The following DNAH5 variants were observed in gnomAD, a reference collection of about 807,000 sequenced individuals.
The protein encoded by DNAH5 is dynein axonemal heavy chain 5, also known as axonemal beta dynein heavy chain 5.
A neutral mutation model predicts 518.2 loss-of-function variants in DNAH5; 372 were observed. The observed-to-expected ratio is 0.72, with a 90% CI of 0.66 to 0.78. The LOEUF is 0.78. Among genes scored for constraint, DNAH5 ranks in the 30% least tolerant of loss-of-function variants. DNAH5 has a pLI of 0.00. For synonymous variants in DNAH5, 2,039 were observed against 2,025.9 expected, an observed-to-expected ratio of 1.01 and a Z score of -0.17; for missense variants, 5,523 against 5,687.0, an observed-to-expected ratio of 0.97 and a Z score of 0.93.
chr5:13,701,507 T>C (rs1408305064), intron 76 of DNAH5, 71 bp from the exon 77 acceptor site: 12 of 1,329,944 alleles, frequency 9.0e-6, no homozygotes, highest in Non-Finnish European at 1.2e-5. Flanking sequence ...CTATGTTCAC[T>C]GAAAAAAAAA....
intron 78 of DNAH5, among the ~76,000 whole-genome samples, chr5:13,697,666 T>C (rs1056659730): frequency 6.6e-6 from 1 of 152,234 alleles, no homozygotes; most frequent in Non-Finnish European, 1.5e-5. Flanking sequence ...CTCCTTCATG[T>C]GGAAACTTTG....
chr5:13,953,046 T>C (rs929045885), intron 1 of DNAH5, among the ~76,000 whole-genome samples: 4 of 152,228 alleles, frequency 2.6e-5, no homozygotes, highest in African/African-American at 4.8e-5. Flanking sequence ...AAGAGCAAAA[T>C]TGCTATTAAT....
intron 30 of DNAH5, among the ~76,000 whole-genome samples, chr5:13,856,429 A>G (rs1444398713): frequency 6.6e-6 from 1 of 152,074 alleles, no homozygotes; most frequent in Admixed American, 6.6e-5. Flanking sequence ...TAGAAATTCT[A>G]CCAGAGGTTC....
chr5:13,845,789 T>C (rs1451534494), intron 31 of DNAH5, among the ~76,000 whole-genome samples: 1 of 151,566 alleles, frequency 6.6e-6, no homozygotes, highest in Non-Finnish European at 1.5e-5. Context: ...TTTTTGCTCT[T>C]CCCTTATCAT....
Position 13,691,862 on chromosome 5 carries a change from T to C in DNAH5, c.*122A>G, listed in dbSNP as rs1740730805. 1.7e-6 allele frequency: 2 copies of C among 1,184,642 alleles called. No individual in the cohort carries two copies. Among genetic ancestry groups the C allele is most frequent in the Admixed American group, 1.9e-5 (1 of 51,938 alleles). The allele number at this position is 1,184,642 out of a possible 1,614,324, so 73.4% of individuals were successfully genotyped here. ...CCAATTAAGGAGTGGGGAAAACCTA[T>C]GCAGCTCATTAATTGCATAAACGAC... On this transcript the variant is annotated 3_prime_UTR_variant, in exon 79 of 79. Transcript: ENST00000265104.
intron 1 of DNAH5, among the ~76,000 whole-genome samples, chr5:13,991,802 G>T (rs534635310): frequency 1.3e-5 from 2 of 152,114 alleles, no homozygotes; most frequent in African/African-American, 2.4e-5. Context: ...AACGGGAAGA[G>T]AACTATTTCT....
intron 12 of DNAH5, among the ~76,000 whole-genome samples, chr5:13,906,997 CAAAG>C (rs373453015): frequency 1.8e-3 from 276 of 151,952 alleles, no homozygotes; most frequent in African/African-American, 6.4e-3. Flanking sequence ...AAATTAAAAA[CAAAG>C]AAGTAAGAGA....
In DNAH5 at chr5:13,931,243, T is replaced by G. The variant is rs1778386292; in HGVS notation, c.59A>C (p.Gln20Pro). The G allele has an allele frequency of 1.2e-6, 2 of 1,613,960 alleles. No individual in the cohort carries two copies. The highest frequency in any genetic ancestry group is 4.5e-5 in the East Asian group (2 of 44,892). ...WKHSVTRVLT[Q>P]RLKGEKEAKR... Reference sequence around the variant, plus strand: ...GGCTTCCTTCTCTCCCTTCAGTCTTTGCTAAAAGAAAAGAATAAAAATGTT... The same window carrying G: ...GGCTTCCTTCTCTCCCTTCAGTCTTGGCTAAAAGAAAAGAATAAAAATGTT... Residue 20 changes from glutamine (Q) to proline (P), a missense_variant and splice_region_variant, in exon 2 of 79, where the codon CAA becomes CCA. Gln to Pro is a moderately conservative substitution (Grantham distance 76). Transcript: ENST00000265104.
chr5:13,896,485 C>T (rs1773930650), intron 15 of DNAH5: 1 of 152,202 alleles, frequency 6.6e-6, no homozygotes, highest in East Asian at 1.9e-4. Context: ...AAACCACTCA[C>T]ACATTTTATC....
At chr5:13,991,599 G>GAGGGGGAAGAGA (rs1257566609) in intron 1 of DNAH5, among the ~76,000 whole-genome samples, 1 of 151,314 alleles carries the variant, frequency 6.6e-6, no homozygotes, top group East Asian at 2.0e-4. Flanking sequence ...GGGGGAAGAG[G>GAGGGGGAAGAGA]AGGAGGAAGG....
chr5:13,791,685 G>C (rs1757013047), intron 50 of DNAH5, among the ~76,000 whole-genome samples: 1 of 152,022 alleles, frequency 6.6e-6, no homozygotes, highest in Non-Finnish European at 1.5e-5. Flanking sequence ...TTTAGTATAA[G>C]AAACATATCT....
At chr5:13,964,912 T>G (rs963965548) in intron 1 of DNAH5, among the ~76,000 whole-genome samples, 1 of 152,244 alleles carries the variant, frequency 6.6e-6, no homozygotes, top group African/African-American at 2.4e-5. Context: ...TTTTGTCCCC[T>G]TTGTACCAGA....
In DNAH5 at chr5:13,839,362, G is replaced by T; in HGVS notation, c.5876C>A (p.Thr1959Lys). 1 of 1,613,974 alleles carries T rather than the reference G, an allele frequency of 6.2e-7. No individual in the cohort carries two copies. The highest frequency in any genetic ancestry group is 1.3e-5 in the African/African-American group (1 of 75,060). The change falls in exon 35 of 79, where the codon ACA (threonine) becomes AAA (lysine). Residue 1959 changes from threonine to lysine, a missense_variant. Transcript: ENST00000265104. The stretch of plus-strand genomic sequence containing the variant: ...GGGAGAAGGGTTCCATCACCTGTCT[G>T]TAAGTGGAGTTATTACAAGCCTGTC... Reference protein sequence around the residue: ...CTDRLVITPLTDRCYITLAQA... With the variant: ...CTDRLVITPLKDRCYITLAQA...
chr5:13,891,238 G>T (rs980348564), intron 16 of DNAH5, 117 bp from the exon 17 acceptor site: 7 of 1,092,388 alleles, frequency 6.4e-6, no homozygotes, highest in Middle Eastern at 2.9e-4. Flanking sequence ...TCTCAGTTAC[G>T]TATGTTCCCC....
Position 13,933,185 on chromosome 5 carries a change from T to C in DNAH5, c.58-1941A>G, listed in dbSNP as rs78643749. Among the ~76,000 whole-genome samples the C allele has an allele frequency of 2.0e-4, 30 of 152,268 alleles. 1 individual carries two copies. The East Asian group carries it at 5.6e-3, about 28-fold the overall frequency. ...ATATAGATATAGACATAGGCACATA[T>C]AGACATAGACATAGAGAAGACGGTC... On this transcript the variant is annotated intron_variant, in intron 1 of 78. Coordinates refer to ENST00000265104, the MANE Select transcript of DNAH5 (RefSeq NM_001369.3).
chr5:13,812,116 C>T (rs1240042889), intron 43 of DNAH5, among the ~76,000 whole-genome samples: 3 of 152,102 alleles, frequency 2.0e-5, no homozygotes, highest in Non-Finnish European at 4.4e-5. Flanking sequence ...GTGGCAAGGG[C>T]AGAATTCAGA....
chr5:13,826,914 T>C (rs1052670100), intron 38 of DNAH5, among the ~76,000 whole-genome samples: 2 of 152,176 alleles, frequency 1.3e-5, no homozygotes, highest in Non-Finnish European at 2.9e-5. Flanking sequence ...CAAGAAGACA[T>C]GAAAACGTTT....
intron 47 of DNAH5, among the ~76,000 whole-genome samples, chr5:13,806,651 T>C (rs1433090813): frequency 2.0e-5 from 3 of 152,328 alleles, no homozygotes; most frequent in Admixed American, 6.5e-5. Flanking sequence ...CTAATAAAAA[T>C]ATGAGAGATA....
At position 13,830,763 on chromosome 5, in the gene DNAH5, C is replaced by G. The variant is rs537016848; in HGVS notation, c.5895G>C (p.Thr1965=). ...TGCTCATTCCCAGAGCTTGAGCCAG[C>G]GTGATGTAACATCTGCATGGGTAGA... ...ITPLTDRCYI[T]LAQALGMSMG... is the part of the protein sequence containing the mutation. Residue 1965 remains threonine, a synonymous_variant, in exon 36 of 79, where the codon ACG becomes ACC. Coordinates refer to ENST00000265104, the MANE Select transcript of DNAH5 (RefSeq NM_001369.3). 6.2e-7 allele frequency: 1 copy of G among 1,614,062 alleles called. No individual in the cohort carries two copies. Among genetic ancestry groups the G allele is most frequent in the African/African-American group, 1.3e-5 (1 of 75,008 alleles).
Sources: allele counts gnomAD v4.1 joint callset (sites outside exome capture counted in the v4.1 genomes callset), GRCh38; gene constraint gnomAD v4.1.1; transcripts MANE v1.5; gene names NCBI Gene and HGNC (gene_info 2026-07-23, HGNC 2026-07-21).